CDH8: variants seen among roughly 807,000 people sequenced by gnomAD.
CDH8 encodes the protein cadherin-8.
In CDH8, 17 loss-of-function variants were observed where a neutral mutation model predicts 68.1. That is an observed-to-expected ratio of 0.25 (90% confidence interval 0.17 to 0.37). CDH8 has a LOEUF of 0.37. CDH8 is among the 10% of genes least tolerant of loss of function. CDH8 has a pLI of 1.00. For missense variants in CDH8, 763 were observed against 999.3 expected (o/e 0.76, Z 3.19); for synonymous variants, 372 against 365.1 (o/e 1.02, Z -0.21).
intron 2 of CDH8, among the ~76,000 whole-genome samples, chr16:61,921,844 A>C (rs148086216): frequency 0.1 from 15,295 of 152,192 alleles, 1,033 homozygotes; most frequent in East Asian, 0.29. Context: ...AGCCTTGCCA[A>C]CATGGTGAAA....
intron 3 of CDH8, among the ~76,000 whole-genome samples, chr16:61,895,766 C>T (rs1024352484): frequency 6.6e-6 from 1 of 152,074 alleles, no homozygotes; most frequent in Non-Finnish European, 1.5e-5. Flanking sequence ...ATTACACAGG[C>T]AATTTATTGA....
Position 61,647,389 on chromosome 16 carries a change from G to A in CDH8, c.*6219C>T, listed in dbSNP as rs55865393. The A allele has an allele frequency of 0.28, 43,284 of 153,420 alleles. 6,364 individuals carry two copies. The highest frequency in any genetic ancestry group is 0.36 in the African/African-American group (14,719 of 41,372). 9.5% of individuals were successfully genotyped at this position (153,420 alleles called of 1,614,324 possible). ...AGACTTGACAAAGATGACAGCTCTC[G>A]AACTTTAGAGGTTAAGTTAAAGAAA... On this transcript the variant is annotated 3_prime_UTR_variant, in exon 12 of 12. Transcript: ENST00000577390.
At position 62,020,439 on chromosome 16, in the gene CDH8, T is replaced by C. The variant is rs1902043497; in HGVS notation, c.252+713A>G. Among the ~76,000 whole-genome samples the C allele has an allele frequency of 2.6e-5, 4 of 152,232 alleles. No individual in the cohort carries two copies. The South Asian group carries it at 8.3e-4, about 32-fold the overall frequency. The stretch of plus-strand genomic sequence containing the variant: ...CATGTCTACACAAAGAACATTTGTC[T>C]AACCTGCCAACAACAGCAAAACAAA... On this transcript the variant is annotated intron_variant, in intron 2 of 11. Transcript: ENST00000577390.
At chr16:61,891,936 A>T (rs1323335961) in intron 3 of CDH8, among the ~76,000 whole-genome samples, 1 of 152,160 alleles carries the variant, frequency 6.6e-6, no homozygotes, top group African/African-American at 2.4e-5. Context: ...CGAGAGGGAG[A>T]AAGAAAGACA....
intron 7 of CDH8, among the ~76,000 whole-genome samples, chr16:61,813,364 G>T (rs1387474127): frequency 6.6e-6 from 1 of 152,120 alleles, no homozygotes; most frequent in Non-Finnish European, 1.5e-5. Flanking sequence ...TGTGATACTG[G>T]GCAAGTTAGT....
chr16:61,848,620 T>C (rs1962870120), intron 4 of CDH8, among the ~76,000 whole-genome samples: 1 of 152,078 alleles, frequency 6.6e-6, no homozygotes, highest in Non-Finnish European at 1.5e-5. Flanking sequence ...GTTAAGTCAT[T>C]GTGTGCACGC....
intron 7 of CDH8, among the ~76,000 whole-genome samples, chr16:61,815,484 T>C (rs141954566): frequency 7.4e-4 from 112 of 152,334 alleles, no homozygotes; most frequent in Non-Finnish European, 4.9e-4. Context: ...CTACTTTTAC[T>C]ATGGCATGAA....
chr16:61,770,464 C>T (rs1430205120), intron 8 of CDH8, among the ~76,000 whole-genome samples: 1 of 151,828 alleles, frequency 6.6e-6, no homozygotes, highest in Non-Finnish European at 1.5e-5. Flanking sequence ...ACTGAGGCTT[C>T]CTTGTTAGTC....
intron 2 of CDH8, among the ~76,000 whole-genome samples, chr16:61,937,345 A>G: frequency 6.6e-6 from 1 of 152,318 alleles, no homozygotes; most frequent in Middle Eastern, 3.4e-3. Flanking sequence ...CTAGAACAGA[A>G]GGAAACCACC....
chr16:61,817,504 G>T lies in CDH8; in HGVS notation c.1252C>A (p.Pro418Thr). 6.2e-7 allele frequency: 1 copy of T among 1,613,788 alleles called. No homozygotes were observed. Among genetic ancestry groups the T allele is most frequent in the Non-Finnish European group, 8.5e-7 (1 of 1,179,882 alleles). The stretch of plus-strand genomic sequence containing the variant: ...CTTATAGGACTGGAAGTGATATCAG[G>T]GTCACGAGCAGTCACTTGCCCAATC... ...SVIGQVTARDPDITSSPIRFS... is the reference protein window; with the variant it reads ...SVIGQVTARDTDITSSPIRFS... Residue 418 changes from proline (P) to threonine (T), a missense_variant, in exon 7 of 12, where the codon CCT becomes ACT. By Grantham distance (38) the Pro-to-Thr change is conservative (BLOSUM62 -1). This residue lies in a region of CDH8 where 366 missense variants were observed against 563.1 expected (regional missense o/e 0.65). Transcript: ENST00000577390.
chr16:61,991,507 A>T (rs1354813957), intron 2 of CDH8, among the ~76,000 whole-genome samples: 1 of 152,236 alleles, frequency 6.6e-6, no homozygotes, highest in South Asian at 2.1e-4. Flanking sequence ...ATGCTTGCAC[A>T]TATTTCACTT....
intron 8 of CDH8, among the ~76,000 whole-genome samples, chr16:61,753,239 C>CTTT (rs59736911): frequency 1.4e-5 from 2 of 143,986 alleles, no homozygotes; most frequent in Non-Finnish European, 1.5e-5. Flanking sequence ...ATATTTCTTT[C>CTTT]TTTTTTTTTT....
chr16:61,654,437 C>A (rs182608402), intron 11 of CDH8, among the ~76,000 whole-genome samples: 1 of 152,146 alleles, frequency 6.6e-6, no homozygotes, highest in East Asian at 1.9e-4. Flanking sequence ...GTATGACTAG[C>A]TTGATATGTG....
At chr16:61,919,699 T>C (rs888608009) in intron 2 of CDH8, among the ~76,000 whole-genome samples, 1 of 151,860 alleles carries the variant, frequency 6.6e-6, no homozygotes, top group African/African-American at 2.4e-5. Flanking sequence ...TTGGTGTACC[T>C]GAAAGTGATG....
chr16:61,917,062 A>T (rs986675346), intron 2 of CDH8, among the ~76,000 whole-genome samples: 7 of 137,290 alleles, frequency 5.1e-5, no homozygotes, highest in Admixed American at 1.5e-4. Context: ...TTTACCTATT[A>T]GTGTGTGTGT....
intron 3 of CDH8, among the ~76,000 whole-genome samples, chr16:61,882,107 A>G (rs771829692): frequency 1.5e-4 from 23 of 152,206 alleles, no homozygotes; most frequent in Non-Finnish European, 7.3e-5. Context: ...TCAAACCCCA[A>G]TATAGCTCTT....
At chr16:61,901,129 T>C (rs368637760) in intron 3 of CDH8, 50 bp downstream of exon 3, 138 of 1,462,938 alleles carry the variant, frequency 9.4e-5, no homozygotes, top group Non-Finnish European at 8.3e-5. Flanking sequence ...TGCCAGGAGC[T>C]ATTCTAAAGA....
At chr16:61,931,173 T>TGTTTTGTTTC (rs1330814602) in intron 2 of CDH8, among the ~76,000 whole-genome samples, 1 of 152,100 alleles carries the variant, frequency 6.6e-6, no homozygotes, top group Admixed American at 6.5e-5. Context: ...TGTTTTGTTT[T>TGTTTTGTTTC]GTTTTGTTTC....
chr16:61,655,743 A>G, intron 10 of CDH8, 22 bp from the exon 11 acceptor site: 1 of 1,605,996 alleles, frequency 6.2e-7, no homozygotes, highest in Non-Finnish European at 8.5e-7. Flanking sequence ...AAAAATTACA[A>G]TAATTTGCAT....
Sources: gnomAD v4.1 joint callset for allele counts (sites outside exome capture counted in the v4.1 genomes callset) on GRCh38, gnomAD v4.1.1 for gene constraint, gnomAD v4.1.1 regional missense constraint, MANE v1.5 for transcripts, NCBI Gene and HGNC (gene_info 2026-07-23, HGNC 2026-07-21) for gene names.